Variants in WWOX observed in about 807,000 individuals in gnomAD.
WWOX encodes WW domain containing oxidoreductase.
A neutral mutation model predicts 46.2 loss-of-function variants in WWOX; 69 were observed. The observed-to-expected ratio is 1.49, with a 90% CI of 1.23 to 1.82. The LOEUF (loss-of-function observed/expected upper bound fraction) is 1.82. WWOX is among the 40% of genes most tolerant of loss of function. WWOX has a pLI of 0.00. For missense variants in WWOX, 919 were observed against 542.6 expected (o/e 1.69, Z -6.89); for synonymous variants, 359 against 202.6 (o/e 1.77, Z -6.56).
chr16:79,194,723 C>A (rs551809554), intron 8 of WWOX, among the ~76,000 whole-genome samples: 19 of 152,190 alleles, frequency 1.2e-4, no homozygotes, highest in Non-Finnish European at 2.2e-4. Context: ...TCTCCATCTG[C>A]TTTCCATCGT....
chr16:79,100,231 T>TA (rs1345381376), intron 8 of WWOX, among the ~76,000 whole-genome samples: 3 of 151,870 alleles, frequency 2.0e-5, no homozygotes, highest in Admixed American at 1.3e-4. Flanking sequence ...GGGTAGATGT[T>TA]AAAAAAAAGA....
intron 8 of WWOX, among the ~76,000 whole-genome samples, chr16:79,086,217 A>G (rs1475674049): frequency 6.6e-6 from 1 of 152,242 alleles, no homozygotes; most frequent in Non-Finnish European, 1.5e-5. Context: ...TACATGCTCA[A>G]TAAATGTTAA....
intron 8 of WWOX, among the ~76,000 whole-genome samples, chr16:78,816,404 A>C (rs1205140324): frequency 6.6e-6 from 1 of 151,628 alleles, no homozygotes; most frequent in Non-Finnish European, 1.5e-5. Context: ...TAGATATTGC[A>C]AGTGTGTTTA....
intron 6 of WWOX, among the ~76,000 whole-genome samples, chr16:78,418,981 A>G (rs1267174694): frequency 6.6e-6 from 1 of 152,238 alleles, no homozygotes; most frequent in African/African-American, 2.4e-5. Context: ...AATGGAAAAA[A>G]AAGATCCAGA....
chr16:78,320,673 A>G (rs1597479048), intron 5 of WWOX, among the ~76,000 whole-genome samples: 1 of 152,210 alleles, frequency 6.6e-6, no homozygotes, highest in Non-Finnish European at 1.5e-5. Flanking sequence ...GAAGAATGAA[A>G]TATCCAGATG....
At chr16:78,703,232 A>G (rs573357149) in intron 8 of WWOX, among the ~76,000 whole-genome samples, 17 of 152,156 alleles carry the variant, frequency 1.1e-4, no homozygotes, top group African/African-American at 4.1e-4. Context: ...TGTGTGTCAT[A>G]ACTACCCACA....
At chr16:78,603,844 C>G (rs992486379) in intron 8 of WWOX, among the ~76,000 whole-genome samples, 1 of 152,116 alleles carries the variant, frequency 6.6e-6, no homozygotes, top group African/African-American at 2.4e-5. Flanking sequence ...AGTAGACTCT[C>G]TCAAAAATTA....
intron 8 of WWOX, among the ~76,000 whole-genome samples, chr16:78,809,952 C>G (rs542866061): frequency 6.6e-6 from 1 of 152,258 alleles, no homozygotes; most frequent in African/African-American, 2.4e-5. Context: ...CTTAGGGGAC[C>G]CTTGGTATCC....
chr16:78,692,018 A>G (rs1039526182), intron 8 of WWOX, among the ~76,000 whole-genome samples: 18 of 152,198 alleles, frequency 1.2e-4, no homozygotes, highest in Non-Finnish European at 1.2e-4. Flanking sequence ...TGCCACTGCC[A>G]TGTAAGAAGT....
chr16:78,920,346 A>G (rs1383798961), intron 8 of WWOX, among the ~76,000 whole-genome samples: 1 of 152,196 alleles, frequency 6.6e-6, no homozygotes, highest in Non-Finnish European at 1.5e-5. Flanking sequence ...ATAATGCACA[A>G]TAACATTGTC....
At chr16:78,828,797 C>T (rs976366627) in intron 8 of WWOX, among the ~76,000 whole-genome samples, 1 of 152,112 alleles carries the variant, frequency 6.6e-6, no homozygotes, top group African/African-American at 2.4e-5. Context: ...GCCATTTAGC[C>T]TCAGCTGGAT....
intron 8 of WWOX, among the ~76,000 whole-genome samples, chr16:78,971,868 T>G (rs1161936932): frequency 6.6e-6 from 1 of 152,124 alleles, no homozygotes; most frequent in East Asian, 1.9e-4. Flanking sequence ...TCCTGGGACC[T>G]CAGTTTCCTC....
At chr16:78,203,847 G>A (rs11861568) in intron 5 of WWOX, among the ~76,000 whole-genome samples, 15,992 of 152,222 alleles carry the variant, frequency 0.11, 953 homozygotes, top group East Asian at 0.21. Context: ...CTCATAGTAT[G>A]ATTACATAAA....
chr16:78,534,520 C>T (rs1435215188), intron 8 of WWOX: 1 of 152,010 alleles, frequency 6.6e-6, no homozygotes. Flanking sequence ...TCAAGAGTGA[C>T]ATTTTGGCAT....
chr16:78,390,934 T>C (rs4502225), intron 6 of WWOX, among the ~76,000 whole-genome samples: 141,436 of 152,242 alleles, frequency 0.93, 65,948 homozygotes, highest in African/African-American at 0.98. Flanking sequence ...AGCCTGTATG[T>C]GATCAAGCCA....
chr16:78,798,351 A>G (rs1390876850), intron 8 of WWOX, among the ~76,000 whole-genome samples: 3 of 152,174 alleles, frequency 2.0e-5, no homozygotes, highest in Admixed American at 2.0e-4. Context: ...CCCTAGCTAG[A>G]GGTCAGATGT....
intron 8 of WWOX, among the ~76,000 whole-genome samples, chr16:79,166,156 C>G (rs2050590444): frequency 1.3e-5 from 2 of 152,114 alleles, no homozygotes; most frequent in African/African-American, 4.8e-5. Context: ...ATAGTGCAAA[C>G]AAATCATCTT....
intron 8 of WWOX, among the ~76,000 whole-genome samples, chr16:79,009,466 C>G (rs1333547922): frequency 6.6e-6 from 1 of 151,798 alleles, no homozygotes; most frequent in African/African-American, 2.4e-5. Flanking sequence ...GGCCCATCAT[C>G]AAATTTTCTT....
intron 4 of WWOX, among the ~76,000 whole-genome samples, chr16:78,118,288 G>A (rs552083313): frequency 1.3e-5 from 2 of 152,050 alleles, no homozygotes; most frequent in African/African-American, 4.8e-5. Context: ...CAATTGGAGG[G>A]ATTCTTAATT....
Sources: gnomAD v4.1 joint callset for allele counts (sites outside exome capture counted in the v4.1 genomes callset) on GRCh38, gnomAD v4.1.1 for gene constraint, MANE v1.5 for transcripts, NCBI Gene and HGNC (gene_info 2026-07-23, HGNC 2026-07-21) for gene names.